EDARADD: variants seen among roughly 807,000 people sequenced by gnomAD.
EDARADD encodes the protein EDAR associated via death domain.
A neutral mutation model predicts 25.6 loss-of-function variants in EDARADD; 20 were observed. The ratio of observed to expected loss-of-function variants is 0.78; its 90% confidence interval spans 0.55 to 1.14. EDARADD has a LOEUF of 1.14. Ranked by LOEUF, EDARADD falls within the 50% of genes most tolerant of loss-of-function variation. The pLI is 0.00. For synonymous variants in EDARADD, 86 were observed against 94.4 expected (o/e 0.91, Z 0.52); for missense variants, 225 against 270.1 (o/e 0.83, Z 1.17).
At chr1:236,360,587 C>T (rs1343655412) in intron 3 of EDARADD, among the ~76,000 whole-genome samples, 6 of 145,770 alleles carry the variant, frequency 4.1e-5, no homozygotes, top group Admixed American at 2.8e-4. Context: ...GCTCTGTCAC[C>T]CAGGCTGGAG....
rs1456089586 is a variant in EDARADD at position 236,362,987 on chromosome 1, G to GGAAAA, written c.-6+12148_-6+12149insGAAAA. On this transcript the variant is annotated intron_variant, in intron 3 of 7. Coordinates refer to the EDARADD transcript ENST00000439430. ...TCAAGACTCTGTCTTCTTTTTTTAA[G>GGAAAA]AAAAAAAAAAAAAAAAAAAATATAT... 2.0e-4 allele frequency among the ~76,000 whole-genome samples: 6 copies of GGAAAA among 29,564 alleles called. 1 individual carries two copies. Among genetic ancestry groups the GGAAAA allele is most frequent in the African/African-American group, 9.5e-4 (6 of 6,348 alleles). 19.4% of individuals were successfully genotyped at this position (29,564 alleles called of 152,430 possible). A position where few individuals can be genotyped will look rare whatever the true frequency, so the allele number is the denominator to read the frequency against.
Position 236,395,447 on chromosome 1 carries a change from G to A in EDARADD, c.61+942G>A. 1 of 1,475,172 alleles carries A rather than the reference G, an allele frequency of 6.8e-7. No homozygotes were observed. Among genetic ancestry groups the A allele is most frequent in the South Asian group, 1.3e-5 (1 of 74,894 alleles). 91.4% of individuals were successfully genotyped at this position (1,475,172 alleles called of 1,614,324 possible). On this transcript the variant is annotated intron_variant, in intron 1 of 5. Transcript: ENST00000334232. This position sits in a 1 kb window ranked among gnomAD's most constrained non-coding sequence, Gnocchi z 6.9. ...CAAAGCAGGAAGTGAGCTCGTGGAA[G>A]AAGCGAAGGAGGAGAAGAAGAAGGG... is the stretch of plus-strand genomic sequence containing the variant.
chr1:236,369,537 T>C (rs1667151855), intron 3 of EDARADD, among the ~76,000 whole-genome samples: 1 of 152,194 alleles, frequency 6.6e-6, no homozygotes, highest in African/African-American at 2.4e-5. Context: ...CCGGTACTTA[T>C]CATAAAATTG....
Position 236,395,518 on chromosome 1 carries a change from T to C in EDARADD, c.61+1013T>C. The C allele has an allele frequency of 6.5e-7, 1 of 1,533,440 alleles. No homozygotes were observed. The highest frequency in any genetic ancestry group is 8.7e-7 in the Non-Finnish European group (1 of 1,144,646). The allele number at this position is 1,533,440 out of a possible 1,614,324, so 95.0% of individuals were successfully genotyped here. A position where few individuals can be genotyped will look rare whatever the true frequency, so the allele number is the denominator to read the frequency against. On this transcript the variant is annotated intron_variant, in intron 1 of 5. Transcript: ENST00000334232. This position sits in a 1 kb window ranked among gnomAD's most constrained non-coding sequence, Gnocchi z 6.9. ...AGGGGCGCGCAGAGCCACGGTTTGC[T>C]CCAGGCGCGTCGGAACCGCAGGACT...
rs1170622280 is a variant in EDARADD at position 236,431,927 on chromosome 1, C to CAAA, written c.219+4500_219+4502dup. ...TGGGCGACAGAGCGAGACTCCGTCTCAAAAAAAAAAAAAAAAAAAAAAAAA... is the reference window on the plus strand; with the variant it reads ...TGGGCGACAGAGCGAGACTCCGTCTCAAAAAAAAAAAAAAAAAAAAAAAAAAAA... On this transcript the variant is annotated intron_variant, in intron 4 of 5. Transcript: ENST00000334232. 5.2e-3 allele frequency among the ~76,000 whole-genome samples: 93 copies of CAAA among 17,972 alleles called. 9 individuals carry two copies. The highest frequency in any genetic ancestry group is 7.3e-3 in the African/African-American group (80 of 10,910). 11.8% of individuals were successfully genotyped at this position (17,972 alleles called of 152,430 possible). A position where few individuals can be genotyped will look rare whatever the true frequency, so the allele number is the denominator to read the frequency against.
At chr1:236,370,379 C>G (rs1268743315) in intron 3 of EDARADD, among the ~76,000 whole-genome samples, 1 of 152,108 alleles carries the variant, frequency 6.6e-6, no homozygotes, top group Non-Finnish European at 1.5e-5. Flanking sequence ...CAAGATCATG[C>G]CACTGCACTC....
At chr1:236,468,921 G>C (rs1287902897) in intron 5 of EDARADD, among the ~76,000 whole-genome samples, 2 of 152,150 alleles carry the variant, frequency 1.3e-5, no homozygotes, top group African/African-American at 4.8e-5. Flanking sequence ...GCTGTTTGTT[G>C]CTTGGTGGAA....
At chr1:236,438,561 C>T (rs1404729037) in intron 4 of EDARADD, among the ~76,000 whole-genome samples, 1 of 152,106 alleles carries the variant, frequency 6.6e-6, no homozygotes, top group Non-Finnish European at 1.5e-5. Flanking sequence ...AACTGAAGAC[C>T]CCATGTCATT....
chr1:236,386,511 C>A (rs1572119840), intron 3 of EDARADD, among the ~76,000 whole-genome samples: 1 of 22,080 alleles, frequency 4.5e-5, no homozygotes, highest in Non-Finnish European at 8.1e-5. Context: ...AAGTGAGGAG[C>A]CTCTCTGCCC....
chr1:236,439,440 T>C (rs1658345561), intron 4 of EDARADD, among the ~76,000 whole-genome samples: 1 of 152,238 alleles, frequency 6.6e-6, no homozygotes, highest in South Asian at 2.1e-4. Flanking sequence ...TCTTCCAAAG[T>C]GGCTGTACCA....
chr1:236,468,663 A>T (rs1659282288), intron 5 of EDARADD, among the ~76,000 whole-genome samples: 1 of 152,210 alleles, frequency 6.6e-6, no homozygotes, highest in Non-Finnish European at 1.5e-5. Flanking sequence ...GACTATGTTT[A>T]TCATTAACTT....
intron 4 of EDARADD, among the ~76,000 whole-genome samples, chr1:236,447,218 TTCTTTCC>T (rs1156240590): frequency 3.6e-4 from 14 of 38,680 alleles, no homozygotes; most frequent in African/African-American, 1.0e-3. Flanking sequence ...CTTTCTTTCT[TTCTTTCC>T]TTTCTTTCCT....
At chr1:236,402,297 G>A (rs575406633) in intron 1 of EDARADD, among the ~76,000 whole-genome samples, 3 of 152,252 alleles carry the variant, frequency 2.0e-5, no homozygotes, top group East Asian at 1.9e-4. Flanking sequence ...TTGGCCAGGC[G>A]TGGTGGCTTG....
chr1:236,447,242 CCTTTCTTTCCTTT>C (rs1558127538), intron 4 of EDARADD, among the ~76,000 whole-genome samples: 60 of 88,426 alleles, frequency 6.8e-4, no homozygotes, highest in Non-Finnish European at 9.2e-4. Flanking sequence ...TCCTTTCTTT[CCTTTCTTTCCTTT>C]CTTTCTTTCT....
rs543941796 is a variant in EDARADD, at chr1:236,378,112, C to G, written c.-6+27273C>G. Among the ~76,000 whole-genome samples, 30 of 152,268 alleles carry G rather than the reference C, an allele frequency of 2.0e-4. No individual in the cohort carries two copies. In the South Asian group the frequency reaches 5.8e-3, roughly 29 times the overall value. On this transcript the variant is annotated intron_variant, in intron 3 of 7. Coordinates refer to the EDARADD transcript ENST00000439430. ...GTGTTTCTCAGTCCCACCCACCCCC[C>G]TTTAGGTGGGATCTGATGGTTAGAG...
rs1164788886 is a variant in EDARADD at position 236,447,169 on chromosome 1, CCTCT to C, written c.219+19720_219+19723del. ...TCCTTCCTTCCTCCCTCCCTCCCTCCCTCTTTCTTTCTTTCTTTCTTTCTTTCTT... is the reference window on the plus strand; with the variant it reads ...TCCTTCCTTCCTCCCTCCCTCCCTCCTTCTTTCTTTCTTTCTTTCTTTCTT... On this transcript the variant is annotated intron_variant, in intron 4 of 5. Coordinates refer to ENST00000334232, the MANE Select transcript of EDARADD (RefSeq NM_145861.4). Among the ~76,000 whole-genome samples, 383 of 98,758 alleles carry C rather than the reference CCTCT, an allele frequency of 3.9e-3. 3 individuals are homozygous for C. Among genetic ancestry groups the C allele is most frequent in the African/African-American group, 0.015 (342 of 22,238 alleles). 64.8% of individuals were successfully genotyped at this position (98,758 alleles called of 152,430 possible).
At chr1:236,402,767 A>T (rs1667636120) in intron 1 of EDARADD, among the ~76,000 whole-genome samples, 1 of 151,986 alleles carries the variant, frequency 6.6e-6, no homozygotes, top group Admixed American at 6.6e-5. Context: ...ATGAAGCCAG[A>T]AAGTCCCAGA....
At chr1:236,444,346 C>T (rs1277463662) in intron 4 of EDARADD, among the ~76,000 whole-genome samples, 1 of 152,070 alleles carries the variant, frequency 6.6e-6, no homozygotes, top group Non-Finnish European at 1.5e-5. Flanking sequence ...ATTAGGCCCA[C>T]TTTACACATC....
intron 4 of EDARADD, among the ~76,000 whole-genome samples, chr1:236,464,211 C>T (rs1659118891): frequency 6.6e-6 from 1 of 151,828 alleles, no homozygotes; most frequent in East Asian, 1.9e-4. Flanking sequence ...CAAATCTTGT[C>T]TTCACTTGGT....
Sources: allele counts gnomAD v4.1 joint callset (sites outside exome capture counted in the v4.1 genomes callset), GRCh38; gene constraint gnomAD v4.1.1; non-coding constraint Gnocchi (gnomAD v3.1); transcripts MANE v1.5; gene names NCBI Gene and HGNC (gene_info 2026-07-23, HGNC 2026-07-21).